DNAH9: variants seen among roughly 807,000 people sequenced by gnomAD.
DNAH9 encodes dynein axonemal heavy chain 9.
A neutral mutation model predicts 471.6 loss-of-function variants in DNAH9; 345 were observed. The ratio of observed to expected loss-of-function variants is 0.73; its 90% CI spans 0.67 to 0.80. The LOEUF is 0.80. Ranked by LOEUF, DNAH9 falls within the 30% of genes least tolerant of loss-of-function variation. The pLI, the probability that DNAH9 is intolerant of heterozygous loss-of-function variation, is 0.00. For synonymous variants in DNAH9, 2,093 were observed against 2,123.6 expected, an observed-to-expected ratio of 0.99 and a Z score of 0.40; for missense variants, 5,407 against 5,609.2, an observed-to-expected ratio of 0.96 and a Z score of 1.15.
chr17:11,819,971 A>G (rs1970251717), intron 45 of DNAH9, among the ~76,000 whole-genome samples: 1 of 152,166 alleles, frequency 6.6e-6, no homozygotes, highest in Admixed American at 6.5e-5. Context: ...GGGGCCTCCT[A>G]TATAATGATA....
Position 11,598,689 on chromosome 17 carries a change from C to G in DNAH9, c.191C>G (p.Ala64Gly). ...QLLQAFLGRD[A>G]AEGPRPLLVV... ...CTCCAGGCCTTCCTGGGCCGCGATG[C>G]TGCCGAGGGGCCGCGGCCGCTGCTG... Residue 64 changes from alanine to glycine, a missense_variant, in exon 1 of 69, where the codon GCT becomes GGT. Around this residue, in one of 3 missense-constraint regions of DNAH9, gnomAD observed 767 missense variants for 692.5 expected, o/e 1.11. Transcript: ENST00000262442. 7.3e-7 allele frequency: 1 copy of G among 1,368,840 alleles called. No homozygotes were observed. Among genetic ancestry groups the G allele is most frequent in the Non-Finnish European group, 9.4e-7 (1 of 1,067,506 alleles). The allele number at this position is 1,368,840 out of a possible 1,614,324, so 84.8% of individuals were successfully genotyped here. A position where few individuals can be genotyped will look rare whatever the true frequency, so the allele number is the denominator to read the frequency against.
rs1410548963 is a variant in DNAH9 at position 11,626,857 on chromosome 17, T to TTATA, written c.1351-2559_1351-2556dup. On this transcript the variant is annotated intron_variant, in intron 6 of 68. Coordinates refer to ENST00000262442, the MANE Select transcript of DNAH9 (RefSeq NM_001372.4). The surrounding 1 kb of genome is among the most constrained non-coding windows in gnomAD (Gnocchi z 4.3). ...CTTGCTGCTTTTTTTTCTGGAAGTATTATAGGCAAGTCAAAGAACAAACAG... is the reference window on the plus strand; with the variant it reads ...CTTGCTGCTTTTTTTTCTGGAAGTATTATATATAGGCAAGTCAAAGAACAAACAG... Among the ~76,000 whole-genome samples the TTATA allele has an allele frequency of 6.6e-6, 1 of 152,088 alleles. No homozygotes were observed. The highest frequency in any genetic ancestry group is 1.5e-5 in the Non-Finnish European group (1 of 68,004).
At chr17:11,757,832 G>A in intron 35 of DNAH9, 140 bp downstream of exon 35, 2 of 872,226 alleles carry the variant, frequency 2.3e-6, no homozygotes, top group Non-Finnish European at 3.4e-6. Flanking sequence ...ATGGCAGATG[G>A]CAAAGGGGAC....
intron 67 of DNAH9, among the ~76,000 whole-genome samples, chr17:11,958,696 T>C (rs546537111): frequency 6.6e-6 from 1 of 151,722 alleles, no homozygotes; most frequent in East Asian, 1.9e-4. Context: ...ATCTCTGTAC[T>C]TGCTGCTCAA....
intron 6 of DNAH9, among the ~76,000 whole-genome samples, chr17:11,628,371 T>C (rs1220843487): frequency 6.6e-6 from 1 of 152,212 alleles, no homozygotes; most frequent in South Asian, 2.1e-4. Flanking sequence ...CCTGGGACAC[T>C]GCCACATTAA....
chr17:11,797,589 A>G lies in DNAH9; in HGVS notation c.8224-8A>G, dbSNP rs1969287902. On this transcript the variant is annotated splice_polypyrimidine_tract_variant and splice_region_variant and intron_variant, in intron 42 of 68. Transcript: ENST00000262442. Reference sequence around the variant, plus strand: ...ATGAGGGCCCTTATTCCTGTGTCTCATCACCAGGATATTGAAGACCCTGTG... The same window carrying G: ...ATGAGGGCCCTTATTCCTGTGTCTCGTCACCAGGATATTGAAGACCCTGTG... 1 of 1,606,240 alleles carries G rather than the reference A, an allele frequency of 6.2e-7. No homozygotes were observed. The highest frequency in any genetic ancestry group is 1.1e-5 in the South Asian group (1 of 90,178).
chr17:11,706,376 G>A (rs1000112041), intron 26 of DNAH9, among the ~76,000 whole-genome samples: 1 of 152,004 alleles, frequency 6.6e-6, no homozygotes, highest in African/African-American at 2.4e-5. Context: ...ACAAGTCACT[G>A]GGAATACTAA....
chr17:11,652,771 T>C lies in DNAH9; in HGVS notation c.2364T>C (p.Asp788=). Residue 788 remains aspartate (D), a synonymous_variant, in exon 14 of 69, where the codon GAT becomes GAC. Transcript: ENST00000262442. ...TCTTTTGGGGAACAGGCATTTGCGA[T>C]TATGTCACTGAAATCACCAGTAGTA... ...TLNWKTEGIC[D]YVTEITSSIH... The C allele has an allele frequency of 6.2e-7, 1 of 1,613,386 alleles. No individual in the cohort carries two copies. Among genetic ancestry groups the C allele is most frequent in the South Asian group, 1.1e-5 (1 of 90,960 alleles).
chr17:11,716,816 A>T (rs1958529614), intron 26 of DNAH9, among the ~76,000 whole-genome samples: 1 of 152,184 alleles, frequency 6.6e-6, no homozygotes, highest in South Asian at 2.1e-4. Context: ...AAGGAAGGTG[A>T]TGAGGTGAGT....
intron 67 of DNAH9, among the ~76,000 whole-genome samples, chr17:11,945,167 T>G (rs1975066181): frequency 6.6e-6 from 1 of 152,186 alleles, no homozygotes; most frequent in East Asian, 1.9e-4. Context: ...TTGGCTTTGC[T>G]GACCAGCTTA....
chr17:11,684,641 C>T (rs2074204646), intron 19 of DNAH9, among the ~76,000 whole-genome samples: 1 of 152,122 alleles, frequency 6.6e-6, no homozygotes, highest in South Asian at 2.1e-4. Flanking sequence ...GATTACTGAG[C>T]CAAAATAATC....
chr17:11,851,479 C>A (rs1971419433), intron 49 of DNAH9, among the ~76,000 whole-genome samples: 1 of 152,102 alleles, frequency 6.6e-6, no homozygotes, highest in African/African-American at 2.4e-5. Context: ...AGGAAGTGTT[C>A]CAGGCAGAGA....
chr17:11,841,718 G>A (rs1473540163), intron 49 of DNAH9, among the ~76,000 whole-genome samples: 1 of 152,044 alleles, frequency 6.6e-6, no homozygotes, highest in Non-Finnish European at 1.5e-5. Flanking sequence ...ATTTCCTTGT[G>A]GGCAAATTGT....
chr17:11,914,514 A>AT (rs1480436068), intron 61 of DNAH9, among the ~76,000 whole-genome samples: 1 of 152,146 alleles, frequency 6.6e-6, no homozygotes, highest in African/African-American at 2.4e-5. Context: ...CTTTGCTGGC[A>AT]TAAATTATCA....
In DNAH9 at chr17:11,727,074, A is replaced by AAAAAAAAC. The variant is rs1567753041; in HGVS notation, c.5710-741_5710-740insAAAACAAA. The stretch of plus-strand genomic sequence containing the variant: ...AAAAAAAAAAAAAAAAAAAAAAAAA[A>AAAAAAAAC]AAACCCGCTGAATAAATGAATGGGA... On this transcript the variant is annotated intron_variant, in intron 27 of 68. Coordinates refer to ENST00000262442, the MANE Select transcript of DNAH9 (RefSeq NM_001372.4). Among the ~76,000 whole-genome samples the AAAAAAAAC allele has an allele frequency of 1.3e-4, 18 of 139,946 alleles. 2 individuals are homozygous for AAAAAAAAC. Among genetic ancestry groups the AAAAAAAAC allele is most frequent in the African/African-American group, 5.1e-4 (18 of 35,036 alleles). The allele number at this position is 139,946 out of a possible 152,430, so 91.8% of individuals were successfully genotyped here.
chr17:11,880,958 A>G (rs1416201735), intron 54 of DNAH9, among the ~76,000 whole-genome samples: 3 of 152,140 alleles, frequency 2.0e-5, no homozygotes, highest in Admixed American at 2.0e-4. Flanking sequence ...ACTAATCTAC[A>G]TTGACACAAC....
chr17:11,758,731 C>T (rs1197832499), intron 35 of DNAH9, among the ~76,000 whole-genome samples: 2 of 152,144 alleles, frequency 1.3e-5, no homozygotes, highest in African/African-American at 4.8e-5. Flanking sequence ...CTGAAAAATC[C>T]ACTCACGTTC....
chr17:11,647,354 C>T (rs917394739), intron 12 of DNAH9, among the ~76,000 whole-genome samples, 156 bp downstream of exon 12: 1 of 152,174 alleles, frequency 6.6e-6, no homozygotes, highest in Non-Finnish European at 1.5e-5. Context: ...CTCACTACAA[C>T]CCCTACCTCC....
chr17:11,610,414 G>T lies in DNAH9; in HGVS notation c.633G>T (p.Lys211Asn). ...KSETVLDSID[K>N]SVIYAIESAV... ...TTCACAGCTTGGATTCTATAGATAA[G>T]TCAGTCATCTATGCCATTGAGTCTG... Residue 211 changes from lysine (K) to asparagine (N), a missense_variant, in exon 3 of 69, where the codon AAG becomes AAT. By Grantham distance (94) the Lys-to-Asn change is moderately conservative. This residue lies in a region of DNAH9 where 767 missense variants were observed against 692.5 expected (regional missense o/e 1.11). Transcript: ENST00000262442. 1 of 1,613,148 alleles carries T rather than the reference G, an allele frequency of 6.2e-7. No individual in the cohort carries two copies. Among genetic ancestry groups the T allele is most frequent in the Non-Finnish European group, 8.5e-7 (1 of 1,179,508 alleles).
Sources: allele counts gnomAD v4.1 joint callset (sites outside exome capture counted in the v4.1 genomes callset), GRCh38; gene constraint gnomAD v4.1.1; regional missense constraint gnomAD v4.1.1; non-coding constraint Gnocchi (gnomAD v3.1); transcripts MANE v1.5; gene names NCBI Gene and HGNC (gene_info 2026-07-23, HGNC 2026-07-21).